Variants in BTD observed in about 807,000 individuals in gnomAD.
BTD encodes biotinidase.
Under a neutral mutation model 17.7 loss-of-function variants are expected in BTD, and 13 were observed. The ratio of observed to expected loss-of-function variants is 0.74; its 90% CI spans 0.48 to 1.17. BTD has a LOEUF of 1.17. Ranked by LOEUF, BTD falls within the 50% of genes most tolerant of loss-of-function variation. The pLI is 0.00. For synonymous variants in BTD, 240 were observed against 245.2 expected, an observed-to-expected ratio of 0.98 and a Z score of 0.20; for missense variants, 674 against 650.4, an observed-to-expected ratio of 1.04 and a Z score of -0.39.
chr3:15,631,300 G>T, intron 1 of BTD: 1 of 744,650 alleles, frequency 1.3e-6, no homozygotes, highest in Non-Finnish European at 2.1e-6. Flanking sequence ...TCCCTGACAA[G>T]TAAAGAATGA....
chr3:15,665,616 C>T (rs911467268), intron 3 of BTD, among the ~76,000 whole-genome samples: 4 of 151,914 alleles, frequency 2.6e-5, no homozygotes, highest in African/African-American at 9.6e-5. Context: ...AATCGGTTGG[C>T]ATCACTTTGG....
At position 15,601,822 on chromosome 3, in the gene BTD, T is replaced by A; in HGVS notation, c.-89T>A. 6.2e-7 allele frequency: 1 copy of A among 1,614,202 alleles called. No homozygotes were observed. Among genetic ancestry groups the A allele is most frequent in the African/African-American group, 1.3e-5 (1 of 75,056 alleles). On this transcript the variant is annotated 5_prime_UTR_variant, in exon 1 of 4. Transcript: ENST00000643237. The stretch of plus-strand genomic sequence containing the variant: ...CGCCATTGTCTCCGAGTCGGCCAGC[T>A]GGAGCGTTTTCGGGGCTGTAAAGGG...
rs77674914 is a variant in BTD at position 15,650,732 on chromosome 3, G to A, written c.*5244G>A. 4.4e-3 allele frequency among the ~76,000 whole-genome samples: 672 copies of A among 152,264 alleles called. 8 individuals carry two copies. The highest frequency in any genetic ancestry group is 0.015 in the South Asian group (73 of 4,824). ...CAACCTGGGCTCTTGCTTAGGGCACGTGCCCATCCTGAATCAATGATCGGC... is the reference window on the plus strand; with the variant it reads ...CAACCTGGGCTCTTGCTTAGGGCACATGCCCATCCTGAATCAATGATCGGC... On this transcript the variant is annotated 3_prime_UTR_variant, in exon 4 of 4. Transcript: ENST00000643237.
downstream of BTD, among the ~76,000 whole-genome samples, chr3:15,653,867 T>C (rs1263207639): frequency 6.6e-6 from 1 of 152,248 alleles, no homozygotes; most frequent in African/African-American, 2.4e-5. Flanking sequence ...TTGTGGAGGA[T>C]GCAAAGTCAC....
chr3:15,721,595 A>T (rs894106818), intron 4 of BTD, among the ~76,000 whole-genome samples: 4 of 151,482 alleles, frequency 2.6e-5, no homozygotes, highest in South Asian at 2.1e-4. Flanking sequence ...ATCAAGATTT[A>T]AAAAAAAATG....
chr3:15,602,237 C>T (rs2064284025), intron 1 of BTD: 1 of 1,303,638 alleles, frequency 7.7e-7, no homozygotes, highest in Non-Finnish European at 9.8e-7. Flanking sequence ...CAGACCGTGC[C>T]TGAGATCCTG....
intron 1 of BTD, among the ~76,000 whole-genome samples, chr3:15,617,451 AG>A (rs35742912): frequency 0.043 from 6,565 of 152,274 alleles, 405 homozygotes; most frequent in African/African-American, 0.14. Flanking sequence ...CTTCTTGTGA[AG>A]GGTATAAGAT....
rs534194265 is a variant in BTD at position 15,638,192 on chromosome 3, G to T, written c.249+2504G>T. On this transcript the variant is annotated intron_variant, in intron 2 of 3. Coordinates refer to ENST00000643237, the MANE Select transcript of BTD (RefSeq NM_001370658.1). The stretch of plus-strand genomic sequence containing the variant: ...ATTAAAAGGATGAATACATTTACAG[G>T]TGTAAATGCAAACCACTTTCAACTC... 5.3e-5 allele frequency among the ~76,000 whole-genome samples: 8 copies of T among 152,264 alleles called. No individual in the cohort carries two copies. In the South Asian group the frequency reaches 1.7e-3, roughly 32 times the overall value.
intron 3 of BTD, among the ~76,000 whole-genome samples, chr3:15,701,005 C>T (rs2070508760): frequency 6.6e-6 from 1 of 152,136 alleles, no homozygotes; most frequent in African/African-American, 2.4e-5. Flanking sequence ...TCAAATACGT[C>T]TACCCAAATA....
At chr3:15,606,786 T>C (rs2064468039) in intron 1 of BTD, 1 of 152,172 alleles carries the variant, frequency 6.6e-6, no homozygotes. Context: ...CTCACTGGAT[T>C]AACAGGGCCA....
Position 15,679,489 on chromosome 3 carries a change from A to G in BTD, c.400-30571A>G, listed in dbSNP as rs116976698. The G allele has an allele frequency of 5.0e-5, 80 of 1,613,958 alleles. No homozygotes were observed. The East Asian group carries it at 1.5e-3, about 31-fold the overall frequency. The stretch of plus-strand genomic sequence containing the variant: ...GGCTTTACTTACACGGCACAATGCA[A>G]TGGACTAAAAGCATTTCCTTCCGTT... On this transcript the variant is annotated intron_variant, in intron 3 of 3. Coordinates refer to the BTD transcript ENST00000672141.
chr3:15,710,754 T>G (rs1439267633), exon 4 of BTD, among the ~76,000 whole-genome samples: 1 of 152,104 alleles, frequency 6.6e-6, no homozygotes, highest in Non-Finnish European at 1.5e-5. Context: ...ATTTAAAACT[T>G]AGTCCAAAAT....
intron 1 of BTD, chr3:15,602,239 G>T (rs1279752366): frequency 7.7e-7 from 1 of 1,303,862 alleles, no homozygotes; most frequent in Non-Finnish European, 9.8e-7. Context: ...GACCGTGCCT[G>T]AGATCCTGAA....
chr3:15,611,298 A>C (rs1041227016), intron 1 of BTD, among the ~76,000 whole-genome samples: 1 of 152,156 alleles, frequency 6.6e-6, no homozygotes, highest in Non-Finnish European at 1.5e-5. Context: ...GGAGTTGTAG[A>C]AGTCATTTTG....
At chr3:15,688,437 T>C (rs528508755) in intron 3 of BTD, among the ~76,000 whole-genome samples, 1 of 152,326 alleles carries the variant, frequency 6.6e-6, no homozygotes, top group South Asian at 2.1e-4. Flanking sequence ...CAAAGTGATA[T>C]ATAACTTCAC....
chr3:15,674,911 G>A (rs2066775251), intron 3 of BTD, among the ~76,000 whole-genome samples: 1 of 152,114 alleles, frequency 6.6e-6, no homozygotes, highest in Non-Finnish European at 1.5e-5. Context: ...GGTTTTGATG[G>A]GAACAGTTTT....
intron 3 of BTD, among the ~76,000 whole-genome samples, chr3:15,672,144 G>GGC (rs2066431090): frequency 6.8e-6 from 1 of 146,586 alleles, no homozygotes; most frequent in African/African-American, 2.7e-5. Context: ...GATAAAAAAA[G>GGC]GATTTTTTTT....
chr3:15,644,767 C>T lies in BTD; in HGVS notation c.851C>T (p.Pro284Leu). 2 of 1,614,152 alleles carry T rather than the reference C, an allele frequency of 1.2e-6. No individual in the cohort carries two copies. Among genetic ancestry groups the T allele is most frequent in the African/African-American group, 1.3e-5 (1 of 75,018 alleles). The stretch of plus-strand genomic sequence containing the variant: ...GTTCTGGCAGCTAATGTCCACCACC[C>T]AGTTCTGGGGATGACAGGAAGTGGC... ...INVLAANVHH[P>L]VLGMTGSGIH... Residue 284 changes from proline to leucine, a missense_variant, in exon 4 of 4, where the codon CCA (proline) becomes CTA (leucine). Physicochemically the swap from Pro to Leu is moderately conservative, Grantham distance 98. Transcript: ENST00000643237.
chr3:15,704,534 G>A (rs1016508887), intron 3 of BTD, among the ~76,000 whole-genome samples: 2 of 152,068 alleles, frequency 1.3e-5, no homozygotes, highest in East Asian at 1.9e-4. Context: ...ATAAGCAAAT[G>A]TACATTACTG....
Sources: allele counts gnomAD v4.1 joint callset (sites outside exome capture counted in the v4.1 genomes callset), GRCh38; gene constraint gnomAD v4.1.1; transcripts MANE v1.5; gene names NCBI Gene and HGNC (gene_info 2026-07-23, HGNC 2026-07-21).